Variants in RB1CC1 observed in about 807,000 individuals in gnomAD.
The protein encoded by RB1CC1 is RB1-inducible coiled-coil protein 1.
Under a neutral mutation model 177.5 loss-of-function variants are expected in RB1CC1, and 46 were observed. That is an observed-to-expected ratio of 0.26 (90% CI 0.20 to 0.33). The LOEUF (loss-of-function observed/expected upper bound fraction) is 0.33, where lower values mean the gene tolerates loss of function less well. Among genes scored for constraint, RB1CC1 ranks in the 10% least tolerant of loss-of-function variants. The pLI is 1.00. For synonymous variants in RB1CC1, 666 were observed against 613.6 expected (o/e 1.09, Z -1.26); for missense variants, 1,703 against 1,816.3 (o/e 0.94, Z 1.13).
intron 7 of RB1CC1, among the ~76,000 whole-genome samples, chr8:52,671,934 A>G (rs778588603): frequency 2.0e-5 from 3 of 152,216 alleles, no homozygotes; most frequent in African/African-American, 4.8e-5. Context: ...AAGTCACGTT[A>G]GCTAATTTGA....
intron 19 of RB1CC1, 63 bp from the exon 20 acceptor site, chr8:52,635,031 T>C: frequency 6.9e-7 from 1 of 1,438,876 alleles, no homozygotes; most frequent in East Asian, 2.4e-5. Context: ...ATCTAAACAG[T>C]GATTGTCAAA....
chr8:52,693,302 C>T (rs1001819443), intron 1 of RB1CC1, among the ~76,000 whole-genome samples: 2 of 152,156 alleles, frequency 1.3e-5, no homozygotes, highest in African/African-American at 4.8e-5. Flanking sequence ...AGCTTCTGCA[C>T]AGCAAAACAA....
chr8:52,660,525 A>G, intron 12 of RB1CC1, 71 bp downstream of exon 12: 1 of 1,339,714 alleles, frequency 7.5e-7, no homozygotes, highest in South Asian at 1.3e-5. Flanking sequence ...TTTCTGATAA[A>G]TGTCTCTACT....
chr8:52,638,404 G>C (rs977065030), intron 18 of RB1CC1, among the ~76,000 whole-genome samples: 1 of 152,068 alleles, frequency 6.6e-6, no homozygotes, highest in Non-Finnish European at 1.5e-5. Flanking sequence ...TGTGTCAATA[G>C]TTATAGAAGA....
At chr8:52,709,105 G>A (rs1278644709) in intron 1 of RB1CC1, among the ~76,000 whole-genome samples, 2 of 152,060 alleles carry the variant, frequency 1.3e-5, no homozygotes, top group Admixed American at 1.3e-4. Flanking sequence ...TACTCAGGAG[G>A]CTGAGGCAGG....
intron 3 of RB1CC1, 81 bp from the exon 4 acceptor site, chr8:52,684,094 A>G: frequency 7.0e-7 from 1 of 1,421,616 alleles, no homozygotes; most frequent in Non-Finnish European, 9.2e-7. Context: ...ATGTAAAAAC[A>G]CCTTAGAGGT....
intron 1 of RB1CC1, among the ~76,000 whole-genome samples, chr8:52,695,905 G>A (rs150102850): frequency 1.3e-5 from 2 of 152,298 alleles, no homozygotes; most frequent in East Asian, 3.9e-4. Flanking sequence ...GGGAACCTGT[G>A]AGTTTGTAGT....
chr8:52,645,945 T>A lies in RB1CC1; in HGVS notation c.3822-78A>T. On this transcript the variant is annotated intron_variant, in intron 15 of 23. Transcript: ENST00000025008. ...TATACCAAATATCATATTTGGGAAA[T>A]TTATCTTCCTTAAGCTCAATAATGT... 6 of 1,350,258 alleles carry A rather than the reference T, an allele frequency of 4.4e-6. No homozygotes were observed. The South Asian group carries it at 7.7e-5, about 17-fold the overall frequency. The allele number at this position is 1,350,258 out of a possible 1,614,324, so 83.6% of individuals were successfully genotyped here. A position where few individuals can be genotyped will look rare whatever the true frequency, so the allele number is the denominator to read the frequency against.
chr8:52,625,524 C>T (rs1029914423), intron 22 of RB1CC1, among the ~76,000 whole-genome samples: 2 of 152,172 alleles, frequency 1.3e-5, no homozygotes, highest in Non-Finnish European at 2.9e-5. Flanking sequence ...CAATAAACTA[C>T]AGATGCCTTT....
intron 15 of RB1CC1, among the ~76,000 whole-genome samples, chr8:52,653,200 G>T (rs375299059): frequency 6.6e-6 from 1 of 152,150 alleles, no homozygotes; most frequent in South Asian, 2.1e-4. Context: ...CTTTACCAAG[G>T]CTTTGCAAAA....
intron 15 of RB1CC1, among the ~76,000 whole-genome samples, chr8:52,647,826 C>G (rs1185336365): frequency 1.3e-5 from 2 of 152,070 alleles, no homozygotes; most frequent in East Asian, 3.9e-4. Flanking sequence ...TCGTGTGAAT[C>G]TAGGCTTTGA....
chr8:52,690,453 A>C (rs556073886), intron 1 of RB1CC1, among the ~76,000 whole-genome samples: 9 of 152,262 alleles, frequency 5.9e-5, no homozygotes, highest in Non-Finnish European at 1.3e-4. Flanking sequence ...AACAAAGCAA[A>C]CATGATATAA....
At chr8:52,626,869 G>C (rs2150368649) in intron 22 of RB1CC1, among the ~76,000 whole-genome samples, 1 of 152,200 alleles carries the variant, frequency 6.6e-6, no homozygotes, top group South Asian at 2.1e-4. Context: ...CCAACAAAGT[G>C]AGACCCTGCC....
intron 22 of RB1CC1, among the ~76,000 whole-genome samples, chr8:52,627,339 T>C (rs912013184): frequency 1.3e-5 from 2 of 152,104 alleles, no homozygotes; most frequent in African/African-American, 4.8e-5. Flanking sequence ...AGAGCAAGAC[T>C]CCGTTTCGAA....
rs908113979 is a variant in RB1CC1 at position 52,657,850 on chromosome 8, G to C, written c.1979C>G (p.Ala660Gly). The C allele has an allele frequency of 6.2e-7, 1 of 1,613,908 alleles. No individual in the cohort carries two copies. The highest frequency in any genetic ancestry group is 8.5e-7 in the Non-Finnish European group (1 of 1,180,010). The stretch of plus-strand genomic sequence containing the variant: ...CGGTGAGGTAGTAGTTGTAATTCCT[G>C]CTGTACTTTCCATCCTTGGTGAAGA... ...SASSPRMEST[A>G]GITTTTSPRT... Residue 660 changes from alanine (A) to glycine (G), a missense_variant, in exon 15 of 24, where the codon GCA (alanine) becomes GGA (glycine). Around this residue, in one of 6 missense-constraint regions of RB1CC1, gnomAD observed 1,169 missense variants for 1,184.7 expected, o/e 0.99. Transcript: ENST00000025008.
Position 52,676,526 on chromosome 8 carries a change from G to A in RB1CC1, c.415C>T (p.Leu139Phe). 1 of 1,611,972 alleles carries A rather than the reference G, an allele frequency of 6.2e-7. No individual in the cohort carries two copies. Among genetic ancestry groups the A allele is most frequent in the South Asian group, 1.1e-5 (1 of 90,428 alleles). Residue 139 changes from leucine to phenylalanine, a missense_variant, in exon 6 of 24, where the codon CTT (leucine) becomes TTT (phenylalanine). Leu to Phe is a conservative substitution (Grantham distance 22, BLOSUM62 0). Around this residue, in one of 6 missense-constraint regions of RB1CC1, gnomAD observed 315 missense variants for 304.9 expected, o/e 1.03. Coordinates refer to ENST00000025008, the MANE Select transcript of RB1CC1 (RefSeq NM_014781.5). ...AKKLCSFCEG[L>F]VHDEHLQHQG... ...TGTTGAAGATGTTCATCATGTACAA[G>A]ACCTTCACAAAAAGAACAAAGTTTC... is the stretch of plus-strand genomic sequence containing the variant.
intron 1 of RB1CC1, among the ~76,000 whole-genome samples, chr8:52,706,012 C>G (rs1856510571): frequency 6.6e-6 from 1 of 152,032 alleles, no homozygotes; most frequent in East Asian, 1.9e-4. Flanking sequence ...TATATGCAAG[C>G]ACTTAAAAAG....
chr8:52,660,739 T>G, intron 11 of RB1CC1, 82 bp from the exon 12 acceptor site: 1 of 1,329,696 alleles, frequency 7.5e-7, no homozygotes, highest in South Asian at 1.3e-5. Flanking sequence ...AAAAGGTAAA[T>G]TAAAAGTTGA....
chr8:52,676,664 C>A, intron 5 of RB1CC1, 93 bp from the exon 6 acceptor site: 1 of 1,069,176 alleles, frequency 9.4e-7, no homozygotes, highest in Non-Finnish European at 1.4e-6. Flanking sequence ...CGTGTGGATG[C>A]GTTGTAGAGC....
Sources: gnomAD v4.1 joint callset for allele counts (sites outside exome capture counted in the v4.1 genomes callset) on GRCh38, gnomAD v4.1.1 for gene constraint, gnomAD v4.1.1 regional missense constraint, MANE v1.5 for transcripts, NCBI Gene and HGNC (gene_info 2026-07-23, HGNC 2026-07-21) for gene names.